Variants in RELN observed in about 807,000 individuals in gnomAD.
RELN encodes the protein reelin.
In RELN, 108 loss-of-function variants were observed where a neutral mutation model predicts 427.6. That is an observed-to-expected ratio of 0.25 (90% CI 0.22 to 0.30). The LOEUF is 0.30. Ranked by LOEUF, RELN falls within the 10% of genes least tolerant of loss-of-function variation. RELN has a pLI of 1.00. For missense variants in RELN, 3,715 were observed against 4,302.8 expected, an observed-to-expected ratio of 0.86 and a Z score of 3.82; for synonymous variants, 1,524 against 1,513.4, an observed-to-expected ratio of 1.01 and a Z score of -0.16.
At chr7:103,508,665 A>G (rs145969058) in intron 51 of RELN, among the ~76,000 whole-genome samples, 8,172 of 152,302 alleles carry the variant, frequency 0.054, 308 homozygotes, top group East Asian at 0.17. Flanking sequence ...GCAATCAGGC[A>G]AGAGAAAGAA....
Position 103,953,759 on chromosome 7 carries a change from C to T in RELN, c.226+35372G>A, listed in dbSNP as rs576878815. 2.4e-4 allele frequency among the ~76,000 whole-genome samples: 37 copies of T among 151,786 alleles called. No homozygotes were observed. Among genetic ancestry groups the T allele is most frequent in the African/African-American group, 8.2e-4 (34 of 41,382 alleles). ...ACCAGCCTTGCCAACATGGTGAAAC[C>T]CCATCTCTTCTAAAAATAGAAAATT... On this transcript the variant is annotated intron_variant, in intron 1 of 64. Transcript: ENST00000428762. The surrounding 1 kb of genome is among the most constrained non-coding windows in gnomAD (Gnocchi z 4.3).
At chr7:103,482,499 G>C (rs1176244220) in intron 63 of RELN, among the ~76,000 whole-genome samples, 1 of 152,172 alleles carries the variant, frequency 6.6e-6, no homozygotes, top group East Asian at 1.9e-4. Flanking sequence ...TAACACTTCA[G>C]ACACTGCCCA....
At chr7:103,866,431 G>C (rs1794198934) in intron 2 of RELN, among the ~76,000 whole-genome samples, 1 of 152,148 alleles carries the variant, frequency 6.6e-6, no homozygotes, top group South Asian at 2.1e-4. Flanking sequence ...TCTCTTTAGG[G>C]ATGGATATAG....
In RELN at chr7:103,556,958, A is replaced by T. The variant is rs202190286; in HGVS notation, c.5797+19T>A. ...TGCCACTATCAGTTCTGATCACAGG[A>T]GAACACATGCATTTTTACCGTTATT... On this transcript the variant is annotated intron_variant, in intron 38 of 64. Coordinates refer to ENST00000428762, the MANE Select transcript of RELN (RefSeq NM_005045.4). The T allele has an allele frequency of 4.4e-6, 7 of 1,590,472 alleles. No homozygotes were observed. Among genetic ancestry groups the T allele is most frequent in the Non-Finnish European group, 6.0e-6 (7 of 1,158,454 alleles).
In RELN at chr7:103,799,577, A is replaced by T. The variant is rs144476447; in HGVS notation, c.474-22950T>A. Among the ~76,000 whole-genome samples the T allele has an allele frequency of 1.4e-3, 216 of 152,294 alleles. 1 individual carries two copies. In the East Asian group the frequency reaches 0.035, roughly 24 times the overall value. ...CCTCTTTCCTGGCCAATTCCAAGTT[A>T]TCCCTTAGTCATCCCAAGATGTGGT... On this transcript the variant is annotated intron_variant, in intron 3 of 64. Coordinates refer to ENST00000428762, the MANE Select transcript of RELN (RefSeq NM_005045.4).
At chr7:103,617,153 T>C (rs1478005102) in intron 20 of RELN, among the ~76,000 whole-genome samples, 2 of 152,226 alleles carry the variant, frequency 1.3e-5, no homozygotes, top group African/African-American at 2.4e-5. Flanking sequence ...TTCATGTTTA[T>C]TGGCTACATA....
chr7:103,989,121 C>A lies in RELN; in HGVS notation c.226+10G>T. 3 of 1,612,384 alleles carry A rather than the reference C, an allele frequency of 1.9e-6. No homozygotes were observed. The highest frequency in any genetic ancestry group is 1.7e-6 in the Non-Finnish European group (2 of 1,178,972). On this transcript the variant is annotated intron_variant, in intron 1 of 64. Coordinates refer to ENST00000428762, the MANE Select transcript of RELN (RefSeq NM_005045.4). This position sits in a 1 kb window ranked among gnomAD's most constrained non-coding sequence, Gnocchi z 4.9. Reference sequence around the variant, plus strand: ...GGCGGCGGCGAGCGCGGAGGTGCTGCGGTACCTACCATGGTATTCTTGTCC... The same window carrying A: ...GGCGGCGGCGAGCGCGGAGGTGCTGAGGTACCTACCATGGTATTCTTGTCC...
chr7:103,725,956 AGGTTCTTTGCTCGT>A (rs1161932316), intron 7 of RELN, among the ~76,000 whole-genome samples: 1 of 152,194 alleles, frequency 6.6e-6, no homozygotes, highest in Non-Finnish European at 1.5e-5. Flanking sequence ...TAGCCTAATA[AGGTTCTTTGCTCGT>A]GGTTCTTTTT....
chr7:103,664,708 A>G (rs1330145039), intron 11 of RELN, among the ~76,000 whole-genome samples: 2 of 152,102 alleles, frequency 1.3e-5, no homozygotes, highest in African/African-American at 2.4e-5. Context: ...TCAACTTTGC[A>G]TTTACATGAT....
rs80151241 is a variant in RELN at position 103,976,146 on chromosome 7, T to G, written c.226+12985A>C. On this transcript the variant is annotated intron_variant, in intron 1 of 64. Transcript: ENST00000428762. ...AGGCCATGCTGAATATGTTATCTTT[T>G]TCTCAAAGACAGACTGGGAGCAACC... Among the ~76,000 whole-genome samples, 122 of 152,338 alleles carry G rather than the reference T, an allele frequency of 8.0e-4. 1 individual carries two copies. In the East Asian group the frequency reaches 0.022, roughly 28 times the overall value.
chr7:103,784,951 TA>T (rs1028471485), intron 3 of RELN, among the ~76,000 whole-genome samples: 1 of 152,120 alleles, frequency 6.6e-6, no homozygotes, highest in African/African-American at 2.4e-5. Flanking sequence ...TTAAATGCTT[TA>T]AAAAGTAACC....
intron 16 of RELN, among the ~76,000 whole-genome samples, chr7:103,642,659 T>C (rs117680778): frequency 0.015 from 2,274 of 152,250 alleles, 23 homozygotes; most frequent in Non-Finnish European, 0.024. Context: ...CAGCCTTCTT[T>C]AGGAAATTGA....
At chr7:103,517,221 T>TG (rs1196756670) in intron 49 of RELN, among the ~76,000 whole-genome samples, 1 of 151,794 alleles carries the variant, frequency 6.6e-6, no homozygotes, top group Non-Finnish European at 1.5e-5. Flanking sequence ...GTTCCTAACA[T>TG]TTACCTCTAT....
chr7:103,760,472 C>T (rs546297943), intron 4 of RELN, among the ~76,000 whole-genome samples: 2 of 151,992 alleles, frequency 1.3e-5, no homozygotes, highest in South Asian at 4.2e-4. Flanking sequence ...CATCTGACTC[C>T]AAAATATAGC....
chr7:103,640,794 G>GGA lies in RELN; in HGVS notation c.2003-186_2003-185insTC, dbSNP rs1203429392. The stretch of plus-strand genomic sequence containing the variant: ...TACAAAGCTGCTGAAACAGTCACAA[G>GGA]TTATACAGATAATCCTTTTAAGATT... On this transcript the variant is annotated intron_variant, in intron 16 of 64. Coordinates refer to ENST00000428762, the MANE Select transcript of RELN (RefSeq NM_005045.4). This position sits in a 1 kb window ranked among gnomAD's most constrained non-coding sequence, Gnocchi z 4.1. Among the ~76,000 whole-genome samples, 1 of 152,164 alleles carries GGA rather than the reference G, an allele frequency of 6.6e-6. No individual in the cohort carries two copies. The highest frequency in any genetic ancestry group is 1.5e-5 in the Non-Finnish European group (1 of 68,030).
Position 103,962,646 on chromosome 7 carries a change from T to TTGTGTGTGTGTGTGTG in RELN, c.226+26469_226+26484dup, listed in dbSNP as rs57782980. Among the ~76,000 whole-genome samples, 537 of 149,906 alleles carry TTGTGTGTGTGTGTGTG rather than the reference T, an allele frequency of 3.6e-3. 3 individuals are homozygous for TTGTGTGTGTGTGTGTG. Among genetic ancestry groups the TTGTGTGTGTGTGTGTG allele is most frequent in the African/African-American group, 0.013 (513 of 40,812 alleles). ...TGTTGGATTTTCCATTCCAAAGTTG[T>TTGTGTGTGTGTGTGTG]TGTGTGTGTGTGTGTGTGTGTGTGT... On this transcript the variant is annotated intron_variant, in intron 1 of 64. Coordinates refer to ENST00000428762, the MANE Select transcript of RELN (RefSeq NM_005045.4).
intron 24 of RELN, among the ~76,000 whole-genome samples, chr7:103,602,209 C>T (rs971663697): frequency 1.3e-5 from 2 of 152,094 alleles, no homozygotes; most frequent in Non-Finnish European, 2.9e-5. Context: ...ACATACTAAC[C>T]CTCATGAGGT....
At chr7:103,482,356 T>C (rs1438938431) in intron 63 of RELN, 2 of 172,024 alleles carry the variant, frequency 1.2e-5, no homozygotes, top group African/African-American at 4.8e-5. Context: ...CTTTATTATA[T>C]AAAGAGGGAA....
At chr7:103,489,053 T>A (rs1828549522) in intron 60 of RELN, among the ~76,000 whole-genome samples, 1 of 152,106 alleles carries the variant, frequency 6.6e-6, no homozygotes, top group Non-Finnish European at 1.5e-5. Context: ...AAACATTGGA[T>A]CAAAGGAAAG....
Sources: allele counts gnomAD v4.1 joint callset (sites outside exome capture counted in the v4.1 genomes callset), GRCh38; gene constraint gnomAD v4.1.1; non-coding constraint Gnocchi (gnomAD v3.1); transcripts MANE v1.5; gene names NCBI Gene and HGNC (gene_info 2026-07-23, HGNC 2026-07-21).